RNF17: variants seen among roughly 807,000 people sequenced by gnomAD.
RNF17 encodes the protein ring finger protein 17, also known as spermatogenesis associated 23.
In RNF17, 31 loss-of-function variants were observed where a neutral mutation model predicts 200.5. That is an observed-to-expected ratio of 0.15 (90% CI 0.12 to 0.21). The LOEUF is 0.21. Ranked by LOEUF, RNF17 falls within the 10% of genes least tolerant of loss-of-function variation. The pLI is 1.00. For missense variants in RNF17, 1,628 were observed against 1,905.1 expected (o/e 0.85, Z 2.71); for synonymous variants, 606 against 637.8 (o/e 0.95, Z 0.75).
chr13:24,804,928 CT>C (rs1885667615), intron 15 of RNF17, among the ~76,000 whole-genome samples: 3 of 152,190 alleles, frequency 2.0e-5, no homozygotes, highest in African/African-American at 7.2e-5. Context: ...GCCCTTAAGA[CT>C]TTAAGGGAAT....
intron 2 of RNF17, among the ~76,000 whole-genome samples, chr13:24,768,428 G>A (rs2137457003): frequency 6.6e-6 from 1 of 152,096 alleles, no homozygotes; most frequent in South Asian, 2.1e-4. Context: ...GGGACTGTAG[G>A]TCTGTGCCAC....
chr13:24,853,772 A>C (rs975933369), intron 24 of RNF17, 83 bp from the exon 25 acceptor site: 1 of 1,029,326 alleles, frequency 9.7e-7, no homozygotes, highest in Non-Finnish European at 1.4e-6. Flanking sequence ...TTTCATGTAT[A>C]TCTGAATGAT....
chr13:24,850,599 T>A (rs1229083041), intron 23 of RNF17, among the ~76,000 whole-genome samples, 156 bp downstream of exon 23: 1 of 152,254 alleles, frequency 6.6e-6, no homozygotes, highest in Non-Finnish European at 1.5e-5. Flanking sequence ...ATATATCTTT[T>A]CAGACCACTT....
intron 15 of RNF17, among the ~76,000 whole-genome samples, chr13:24,820,433 TTTTG>T (rs1887915403): frequency 2.7e-5 from 4 of 150,088 alleles, no homozygotes; most frequent in African/African-American, 4.9e-5. Context: ...TTTTGTTTTG[TTTTG>T]TTTTGTTTTT....
At position 24,848,939 on chromosome 13, in the gene RNF17, G is replaced by A. The variant is rs572776807; in HGVS notation, c.3102-1402G>A. On this transcript the variant is annotated intron_variant, in intron 22 of 35. Coordinates refer to ENST00000255324, the MANE Select transcript of RNF17 (RefSeq NM_031277.3). ...CTCTCTCTGGGCTTTACAATAAGTA[G>A]TATAGCACATTTACGAAATCCTGTT... Among the ~76,000 whole-genome samples the A allele has an allele frequency of 2.2e-4, 33 of 152,298 alleles. No homozygotes were observed. The Middle Eastern group carries it at 0.01, about 47-fold the overall frequency.
intron 12 of RNF17, 34 bp downstream of exon 12, chr13:24,799,618 C>A: frequency 1.5e-6 from 2 of 1,365,716 alleles, no homozygotes; most frequent in South Asian, 1.3e-5. Flanking sequence ...CCTTGGCCTG[C>A]TTAGAAACAT....
intron 6 of RNF17, among the ~76,000 whole-genome samples, chr13:24,784,998 C>T (rs764511185): frequency 6.6e-6 from 1 of 152,130 alleles, no homozygotes; most frequent in Non-Finnish European, 1.5e-5. Flanking sequence ...TGAGCCATCA[C>T]GCCTGGCCTG....
At chr13:24,785,484 A>C (rs897917980) in intron 6 of RNF17, among the ~76,000 whole-genome samples, 1 of 152,218 alleles carries the variant, frequency 6.6e-6, no homozygotes, top group South Asian at 2.1e-4. Flanking sequence ...AATGTTAATG[A>C]ACATTAAACA....
At chr13:24,858,382 G>A (rs944762391) in intron 25 of RNF17, among the ~76,000 whole-genome samples, 1 of 152,042 alleles carries the variant, frequency 6.6e-6, no homozygotes, top group Non-Finnish European at 1.5e-5. Flanking sequence ...TAATCCTCCT[G>A]CAGCACTTGA....
intron 2 of RNF17, among the ~76,000 whole-genome samples, chr13:24,772,057 T>A (rs930855031): frequency 6.6e-6 from 1 of 152,218 alleles, no homozygotes; most frequent in African/African-American, 2.4e-5. Flanking sequence ...TGTTATGTGA[T>A]GTAAGGTGCA....
intron 25 of RNF17, among the ~76,000 whole-genome samples, chr13:24,856,776 AGTGT>A (rs1892554454): frequency 6.6e-6 from 1 of 152,162 alleles, no homozygotes; most frequent in South Asian, 2.1e-4. Flanking sequence ...TACTACTTTT[AGTGT>A]GTATACAAGT....
At chr13:24,811,932 G>A (rs7335078) in intron 15 of RNF17, among the ~76,000 whole-genome samples, 35,021 of 151,936 alleles carry the variant, frequency 0.23, 4,512 homozygotes, top group Non-Finnish European at 0.29. Flanking sequence ...CTGCTGGGGG[G>A]TGCCTCCCAG....
intron 30 of RNF17, among the ~76,000 whole-genome samples, chr13:24,868,236 C>T (rs1434061062): frequency 2.0e-5 from 3 of 151,710 alleles, no homozygotes; most frequent in African/African-American, 4.8e-5. Flanking sequence ...TTTGGGAGGC[C>T]GAGGCGGGCG....
chr13:24,827,727 A>AAAC (rs1888888365), intron 16 of RNF17, among the ~76,000 whole-genome samples: 2 of 148,042 alleles, frequency 1.4e-5, no homozygotes, highest in East Asian at 2.0e-4. Flanking sequence ...ACAAAAAAAA[A>AAAC]AAAACAATAG....
At chr13:24,799,339 A>C (rs1884974702) in intron 11 of RNF17, 56 bp from the exon 12 acceptor site, 2 of 1,352,944 alleles carry the variant, frequency 1.5e-6, no homozygotes, top group Non-Finnish European at 2.1e-6. Context: ...CTGTAAACTT[A>C]TGAAGTGGCT....
Position 24,793,179 on chromosome 13 carries a change from C to T in RNF17, c.1073C>T (p.Pro358Leu), listed in dbSNP as rs1453938238. ...ATGTCTGTCCTAACCAGTGAAGCAC[C>T]ACCACCTCCTTTGCAACCTGAGACA... ...VDMSVLTSEA[P>L]PPPLQPETND... Residue 358 changes from proline to leucine, a missense_variant, in exon 10 of 36, where the codon CCA (proline) becomes CTA (leucine). Coordinates refer to ENST00000255324, the MANE Select transcript of RNF17 (RefSeq NM_031277.3). 1.5e-5 allele frequency: 25 copies of T among 1,613,914 alleles called. No individual in the cohort carries two copies. Among genetic ancestry groups the T allele is most frequent in the Non-Finnish European group, 1.9e-5 (23 of 1,179,972 alleles).
downstream of RNF17, chr13:24,883,994 A>G: frequency 6.2e-7 from 1 of 1,614,162 alleles, no homozygotes; most frequent in Non-Finnish European, 8.5e-7. Flanking sequence ...CCATCTGGGA[A>G]AATGCTTTCT....
chr13:24,787,440 C>T (rs1176239605), intron 6 of RNF17, among the ~76,000 whole-genome samples: 1 of 152,058 alleles, frequency 6.6e-6, no homozygotes, highest in Non-Finnish European at 1.5e-5. Context: ...AAATAGCTGC[C>T]TTCCCTTGTC....
At chr13:24,820,341 A>G (rs560991273) in intron 15 of RNF17, among the ~76,000 whole-genome samples, 2 of 151,728 alleles carry the variant, frequency 1.3e-5, no homozygotes, top group South Asian at 4.2e-4. Context: ...AGGCTGGTCT[A>G]GAACTCCTGA....
Sources: allele counts gnomAD v4.1 joint callset (sites outside exome capture counted in the v4.1 genomes callset), GRCh38; gene constraint gnomAD v4.1.1; transcripts MANE v1.5; gene names NCBI Gene and HGNC (gene_info 2026-07-23, HGNC 2026-07-21).